Variants in COP1 observed in about 807,000 individuals in gnomAD.
COP1 encodes E3 ubiquitin-protein ligase COP1.
In COP1, 24 loss-of-function variants were observed where a neutral mutation model predicts 101.3. The observed-to-expected ratio is 0.24, with a 90% CI of 0.17 to 0.33. The LOEUF (loss-of-function observed/expected upper bound fraction) is 0.33, where lower values mean the gene tolerates loss of function less well. COP1 is among the 10% of genes least tolerant of loss of function. COP1 has a pLI of 1.00. For missense variants in COP1, 663 were observed against 906.2 expected, an observed-to-expected ratio of 0.73 and a Z score of 3.45; for synonymous variants, 347 against 341.9, an observed-to-expected ratio of 1.01 and a Z score of -0.17.
At chr1:176,094,038 A>G (rs908012045) in intron 9 of COP1, among the ~76,000 whole-genome samples, 59 of 152,044 alleles carry the variant, frequency 3.9e-4, no homozygotes, top group Non-Finnish European at 7.6e-4. Context: ...AAAAGGAAAA[A>G]AAAAAAAGTG....
At chr1:176,067,212 A>T (rs1676146886) in intron 11 of COP1, among the ~76,000 whole-genome samples, 1 of 152,130 alleles carries the variant, frequency 6.6e-6, no homozygotes, top group Non-Finnish European at 1.5e-5. Flanking sequence ...AAATTGTAAC[A>T]AACTGATATG....
intron 18 of COP1, among the ~76,000 whole-genome samples, chr1:175,983,655 T>C (rs10798433): frequency 0.86 from 131,372 of 152,116 alleles, 58,798 homozygotes; most frequent in Non-Finnish European, 0.98. Flanking sequence ...GTTTAGAGGG[T>C]TCAGAAGACA....
chr1:176,016,671 T>A (rs1250971295), intron 15 of COP1, among the ~76,000 whole-genome samples: 1 of 152,166 alleles, frequency 6.6e-6, no homozygotes, highest in Non-Finnish European at 1.5e-5. Flanking sequence ...TCAAAAACTA[T>A]TTTGTATGGA....
At position 175,944,959 on chromosome 1, in the gene COP1, T is replaced by C. The variant is rs1648978384; in HGVS notation, c.*194A>G. 3.7e-6 allele frequency: 2 copies of C among 545,504 alleles called. No homozygotes were observed. Among genetic ancestry groups the C allele is most frequent in the Non-Finnish European group, 6.4e-6 (2 of 311,340 alleles). The allele number at this position is 545,504 out of a possible 1,614,324, so 33.8% of individuals were successfully genotyped here. On this transcript the variant is annotated 3_prime_UTR_variant, in exon 20 of 20. Transcript: ENST00000367669. ...ATGGAGTTACATTGATGGTGGAGAG[T>C]TGGCTGGGTATTCCCAATGTCCCAA...
chr1:175,955,217 G>C lies in COP1; in HGVS notation c.2134-7978C>G, dbSNP rs367986943. Among the ~76,000 whole-genome samples the C allele has an allele frequency of 7.2e-5, 11 of 152,202 alleles. No individual in the cohort carries two copies. In the East Asian group the frequency reaches 2.1e-3, roughly 29 times the overall value. On this transcript the variant is annotated intron_variant, in intron 18 of 19. Transcript: ENST00000367669. ...TGATTGTGTCACTGTACTCTCGCCT[G>C]GGTGACAGGAGTGAGACCCTGCCTC...
intron 11 of COP1, among the ~76,000 whole-genome samples, chr1:176,072,331 C>T (rs1677142756): frequency 6.6e-6 from 1 of 152,194 alleles, no homozygotes; most frequent in Admixed American, 6.5e-5. Flanking sequence ...TTCATGCATT[C>T]ATTTAACAAA....
At chr1:175,976,916 T>C (rs1280416749) in intron 18 of COP1, among the ~76,000 whole-genome samples, 3 of 152,256 alleles carry the variant, frequency 2.0e-5, no homozygotes, top group Non-Finnish European at 4.4e-5. Context: ...AATGATAAAC[T>C]CTTGTATCTC....
rs140467032 is a variant in COP1 at position 175,999,467 on chromosome 1, C to G, written c.1730-9988G>C. 2.6e-3 allele frequency among the ~76,000 whole-genome samples: 396 copies of G among 151,898 alleles called. 3 individuals carry two copies. The highest frequency in any genetic ancestry group is 9.1e-3 in the African/African-American group (378 of 41,436). ...TCTTTTTTTTAATGGCTGAATAGTACTCCATTTTGTATATGTACCACATTT... is the reference window on the plus strand; with the variant it reads ...TCTTTTTTTTAATGGCTGAATAGTAGTCCATTTTGTATATGTACCACATTT... On this transcript the variant is annotated intron_variant, in intron 15 of 19. Coordinates refer to ENST00000367669, the MANE Select transcript of COP1 (RefSeq NM_022457.7).
chr1:175,954,929 AAT>A (rs200304738), intron 18 of COP1, among the ~76,000 whole-genome samples: 2 of 151,226 alleles, frequency 1.3e-5, no homozygotes, highest in African/African-American at 4.9e-5. Flanking sequence ...AACATTAAAA[AAT>A]ATATATATAT....
intron 15 of COP1, among the ~76,000 whole-genome samples, chr1:176,017,721 C>T (rs376328647): frequency 1.3e-5 from 2 of 152,092 alleles, no homozygotes; most frequent in Admixed American, 6.5e-5. Context: ...GATGAAGTTT[C>T]GCCATGTTGG....
At chr1:175,994,108 G>C (rs1361617686) in intron 15 of COP1, among the ~76,000 whole-genome samples, 1 of 152,168 alleles carries the variant, frequency 6.6e-6, no homozygotes, top group African/African-American at 2.4e-5. Flanking sequence ...CTAAAGAAAA[G>C]AATTTTCAAC....
chr1:176,073,640 T>C (rs1229308710), intron 11 of COP1, among the ~76,000 whole-genome samples: 3 of 152,234 alleles, frequency 2.0e-5, no homozygotes, highest in Non-Finnish European at 4.4e-5. Flanking sequence ...GACCATCTTC[T>C]ACTTATGAGA....
intron 5 of COP1, among the ~76,000 whole-genome samples, chr1:176,154,490 A>G (rs1693152137): frequency 6.6e-6 from 1 of 152,218 alleles, no homozygotes; most frequent in Non-Finnish European, 1.5e-5. Flanking sequence ...CTGCAGGAAC[A>G]TAAATGAAGC....
chr1:175,970,708 T>C (rs1460226406), intron 18 of COP1, among the ~76,000 whole-genome samples: 1 of 152,198 alleles, frequency 6.6e-6, no homozygotes, highest in African/African-American at 2.4e-5. Flanking sequence ...GTAAATATAA[T>C]TTTAAAATTA....
intron 5 of COP1, among the ~76,000 whole-genome samples, chr1:176,160,682 T>TCA (rs1694193828): frequency 6.6e-6 from 1 of 152,030 alleles, no homozygotes. Flanking sequence ...AAACTCAACA[T>TCA]CACTGATCAT....
chr1:176,119,729 C>T (rs1470121433), intron 8 of COP1, among the ~76,000 whole-genome samples: 1 of 152,092 alleles, frequency 6.6e-6, no homozygotes, highest in Non-Finnish European at 1.5e-5. Context: ...TGCTATACTA[C>T]TACTTAACTC....
At chr1:176,114,061 T>C (rs1438584904) in intron 9 of COP1, among the ~76,000 whole-genome samples, 1 of 152,012 alleles carries the variant, frequency 6.6e-6, no homozygotes, top group Non-Finnish European at 1.5e-5. Flanking sequence ...AGTAGCCTTG[T>C]CTGATGTTGA....
At chr1:175,983,325 G>A (rs565425869) in intron 18 of COP1, among the ~76,000 whole-genome samples, 86 of 152,118 alleles carry the variant, frequency 5.7e-4, no homozygotes, top group Non-Finnish European at 9.9e-4. Context: ...AACTGTTCTC[G>A]TGACAGTGAA....
intron 14 of COP1, among the ~76,000 whole-genome samples, chr1:176,030,103 C>T (rs1486403140): frequency 2.0e-5 from 3 of 152,084 alleles, no homozygotes; most frequent in African/African-American, 7.2e-5. Flanking sequence ...AGATGCACAC[C>T]ACCACGCCTG....
Sources: gnomAD v4.1 joint callset for allele counts (sites outside exome capture counted in the v4.1 genomes callset) on GRCh38, gnomAD v4.1.1 for gene constraint, MANE v1.5 for transcripts, NCBI Gene and HGNC (gene_info 2026-07-23, HGNC 2026-07-21) for gene names.